The following KIF13B variants were observed in gnomAD, a reference collection of about 807,000 sequenced individuals.
KIF13B encodes kinesin-like protein KIF13B.
KIF13B carries 127 observed loss-of-function variants against 222.0 expected under a neutral mutation model. The ratio of observed to expected loss-of-function variants is 0.57; its 90% CI spans 0.50 to 0.66. KIF13B has a LOEUF of 0.66. Among genes scored for constraint, KIF13B ranks in the 30% least tolerant of loss-of-function variants. The pLI is 0.00. For missense variants in KIF13B, 2,173 were observed against 2,379.0 expected, an observed-to-expected ratio of 0.91 and a Z score of 1.80; for synonymous variants, 976 against 919.0, an observed-to-expected ratio of 1.06 and a Z score of -1.12.
At chr8:29,197,298 C>T (rs559928748) in intron 2 of KIF13B, among the ~76,000 whole-genome samples, 4 of 127,968 alleles carry the variant, frequency 3.1e-5, no homozygotes, top group Admixed American at 9.3e-5. Context: ...GATCCCGCCA[C>T]TGCACTCCAG....
chr8:29,119,344 G>C (rs1809748941), intron 29 of KIF13B, among the ~76,000 whole-genome samples: 1 of 152,162 alleles, frequency 6.6e-6, no homozygotes, highest in Non-Finnish European at 1.5e-5. Context: ...TCAGAAACGA[G>C]CAAGGGTGAT....
rs756166518 is a variant in KIF13B, at chr8:29,092,799, G to A, written c.4404C>T (p.Leu1468=). Residue 1468 remains leucine (L), a synonymous_variant, in exon 37 of 40, where the codon CTC becomes CTT. Transcript: ENST00000524189. ...VPQMPKLLKS[L]FPVRDEKRGK... ...CCCTCTTCTCATCGCGGACGGGAAA[G>A]AGAGACTTGAGGAGCTTTGGCATTT... The A allele has an allele frequency of 1.4e-5, 23 of 1,613,534 alleles. No homozygotes were observed. Among genetic ancestry groups the A allele is most frequent in the Non-Finnish European group, 1.9e-5 (23 of 1,179,732 alleles).
At chr8:29,253,204 G>C (rs1467439769) in intron 1 of KIF13B, among the ~76,000 whole-genome samples, 1 of 152,060 alleles carries the variant, frequency 6.6e-6, no homozygotes, top group African/African-American at 2.4e-5. Context: ...AATTAGCCAG[G>C]TGTAGTGGCA....
intron 14 of KIF13B, among the ~76,000 whole-genome samples, chr8:29,153,231 A>T (rs1307091138): frequency 6.6e-6 from 1 of 152,260 alleles, no homozygotes; most frequent in Non-Finnish European, 1.5e-5. Context: ...GCCAATAATG[A>T]AAAGATGGTA....
chr8:29,104,956 G>C (rs546521460), intron 35 of KIF13B, among the ~76,000 whole-genome samples: 2 of 149,816 alleles, frequency 1.3e-5, no homozygotes, highest in South Asian at 2.1e-4. Flanking sequence ...GTGTTAGCCA[G>C]GATGGTTTTT....
intron 37 of KIF13B, among the ~76,000 whole-genome samples, chr8:29,076,118 G>A (rs1274187116): frequency 6.6e-6 from 1 of 152,180 alleles, no homozygotes; most frequent in African/African-American, 2.4e-5. Flanking sequence ...GAAGCCTCGG[G>A]GAGAGAAGGA....
At chr8:29,130,716 A>G in intron 23 of KIF13B, 51 bp from the exon 24 acceptor site, 1 of 1,568,338 alleles carries the variant, frequency 6.4e-7, no homozygotes, top group South Asian at 1.1e-5. Flanking sequence ...ATTTCATTAC[A>G]GGCAGCTTAG....
intron 25 of KIF13B, 112 bp downstream of exon 25, chr8:29,127,010 A>G (rs1810141517): frequency 5.3e-6 from 5 of 950,406 alleles, no homozygotes; most frequent in African/African-American, 1.7e-5. Flanking sequence ...AAAGGTAAAC[A>G]AAGAGATTCA....
intron 2 of KIF13B, among the ~76,000 whole-genome samples, chr8:29,228,099 T>C (rs888347629): frequency 6.6e-6 from 1 of 151,958 alleles, no homozygotes; most frequent in African/African-American, 2.4e-5. Context: ...GGCTTGTTAA[T>C]TAGCAAAAGA....
chr8:29,256,549 C>T (rs530242721), intron 1 of KIF13B, among the ~76,000 whole-genome samples: 27 of 152,156 alleles, frequency 1.8e-4, no homozygotes, highest in Non-Finnish European at 3.5e-4. Context: ...ACTGGGAGCT[C>T]CTTTGATGGA....
At chr8:29,145,552 A>G (rs1386503685) in intron 18 of KIF13B, among the ~76,000 whole-genome samples, 6 of 151,998 alleles carry the variant, frequency 3.9e-5, no homozygotes, top group Non-Finnish European at 1.5e-5. Flanking sequence ...AATCGCTTGA[A>G]CCCAGGAGGC....
Position 29,083,752 on chromosome 8 carries a change from A to T in KIF13B, c.4459-8409T>A, listed in dbSNP as rs184714375. Among the ~76,000 whole-genome samples the T allele has an allele frequency of 1.5e-4, 23 of 152,146 alleles. No individual in the cohort carries two copies. In the East Asian group the frequency reaches 4.4e-3, roughly 29 times the overall value. ...AGTTGCCCTGAATTTTTTTTTAAAA[A>T]CTCTTTGTTAACTCCAGAACAAGTG... On this transcript the variant is annotated intron_variant, in intron 37 of 39. Coordinates refer to ENST00000524189, the MANE Select transcript of KIF13B (RefSeq NM_015254.4).
chr8:29,263,181 C>T, upstream of KIF13B: 1 of 676,512 alleles, frequency 1.5e-6, no homozygotes, highest in Non-Finnish European at 2.4e-6. Flanking sequence ...CCGGGCGCTC[C>T]CCGCTGTATG....
chr8:29,199,045 C>G (rs1359119111), intron 2 of KIF13B, among the ~76,000 whole-genome samples: 2 of 144,576 alleles, frequency 1.4e-5, no homozygotes, highest in African/African-American at 5.5e-5. Context: ...AACCAAAAAC[C>G]ACTTGTACCC....
At chr8:29,237,340 ATATTT>A (rs891760827) in intron 2 of KIF13B, among the ~76,000 whole-genome samples, 4 of 152,168 alleles carry the variant, frequency 2.6e-5, no homozygotes, top group Admixed American at 1.3e-4. Flanking sequence ...TCATAATTAG[ATATTT>A]TATTTAATAT....
At chr8:29,181,004 C>T (rs959485124) in intron 7 of KIF13B, among the ~76,000 whole-genome samples, 6 of 152,162 alleles carry the variant, frequency 3.9e-5, no homozygotes, top group African/African-American at 1.4e-4. Flanking sequence ...GTAGGGCAGC[C>T]CAATCTTCAA....
At chr8:29,236,882 C>T (rs955576167) in intron 2 of KIF13B, among the ~76,000 whole-genome samples, 8 of 151,864 alleles carry the variant, frequency 5.3e-5, no homozygotes, top group African/African-American at 1.5e-4. Context: ...ACAAGATGCA[C>T]AACAGAATAA....
chr8:29,140,586 G>T lies in KIF13B; in HGVS notation c.2366C>A (p.Pro789Gln). The T allele has an allele frequency of 6.2e-7, 1 of 1,613,454 alleles. No individual in the cohort carries two copies. The highest frequency in any genetic ancestry group is 8.5e-7 in the Non-Finnish European group (1 of 1,179,616). Residue 789 changes from proline to glutamine, a missense_variant, in exon 20 of 40, where the codon CCA becomes CAA. Physicochemically the swap from Pro to Gln is moderately conservative, Grantham distance 76 (BLOSUM62 -1). Around this residue, in one of 2 missense-constraint regions of KIF13B, gnomAD observed 1,480 missense variants for 1,722.8 expected, o/e 0.86. Coordinates refer to ENST00000524189, the MANE Select transcript of KIF13B (RefSeq NM_015254.4). ...VIRSYFKRAD[P>Q]FYDEQENHSL... is the part of the protein sequence containing the mutation. ...GTGATTTTCCTGCTCATCATAGAAT[G>T]GATCAGCACGTTTGAAGTATGATCG...
intron 8 of KIF13B, among the ~76,000 whole-genome samples, chr8:29,179,137 T>G (rs1395725366): frequency 6.6e-6 from 1 of 152,016 alleles, no homozygotes; most frequent in African/African-American, 2.4e-5. Context: ...AATTTTTTTT[T>G]TTTTGAGACA....
Sources: allele counts gnomAD v4.1 joint callset (sites outside exome capture counted in the v4.1 genomes callset), GRCh38; gene constraint gnomAD v4.1.1; regional missense constraint gnomAD v4.1.1; transcripts MANE v1.5; gene names NCBI Gene and HGNC (gene_info 2026-07-23, HGNC 2026-07-21).